Variants in GALNT1 observed in about 807,000 individuals in gnomAD.
GALNT1 encodes the protein GalNAc transferase 1.
Under a neutral mutation model 65.7 loss-of-function variants are expected in GALNT1, and 17 were observed. The ratio of observed to expected loss-of-function variants is 0.26; its 90% CI spans 0.18 to 0.39. GALNT1 has a LOEUF of 0.39. GALNT1 is among the 10% of genes least tolerant of loss of function. The pLI, the probability that GALNT1 is intolerant of heterozygous loss-of-function variation, is 1.00. For missense variants in GALNT1, 460 were observed against 672.8 expected, an observed-to-expected ratio of 0.68 and a Z score of 3.50; for synonymous variants, 210 against 219.7, an observed-to-expected ratio of 0.96 and a Z score of 0.39.
chr18:35,614,156 T>G lies in GALNT1; in HGVS notation c.-104+32294T>G, dbSNP rs148396040. 1.1e-3 allele frequency among the ~76,000 whole-genome samples: 163 copies of G among 152,296 alleles called. 1 individual carries two copies. The highest frequency in any genetic ancestry group is 0.01 in the Middle Eastern group (3 of 294). On this transcript the variant is annotated intron_variant, in intron 1 of 11. Transcript: ENST00000269195. ...TGTAATATAAGATAAATGCTTAATA[T>G]GTTTAGAGAGTATAAAATACGGCTA...
At chr18:35,598,844 C>G (rs1229559765) in intron 1 of GALNT1, among the ~76,000 whole-genome samples, 1 of 152,166 alleles carries the variant, frequency 6.6e-6, no homozygotes, top group Non-Finnish European at 1.5e-5. Flanking sequence ...TACATTCCCA[C>G]CAACAGCATA....
At chr18:35,676,996 C>T (rs185731389) in intron 3 of GALNT1, among the ~76,000 whole-genome samples, 20 of 152,236 alleles carry the variant, frequency 1.3e-4, no homozygotes, top group Admixed American at 2.6e-4. Flanking sequence ...TTAATTATGG[C>T]GGTGGCCCCA....
chr18:35,610,734 A>T (rs532926283), intron 1 of GALNT1, among the ~76,000 whole-genome samples: 193 of 152,318 alleles, frequency 1.3e-3, no homozygotes, highest in Non-Finnish European at 2.3e-3. Context: ...AAAATAATTT[A>T]TTTAAAATAA....
Position 35,681,594 on chromosome 18 carries a change from T to C in GALNT1, c.482-1797T>C, listed in dbSNP as rs7240947. Among the ~76,000 whole-genome samples, 1,359 of 152,236 alleles carry C rather than the reference T, an allele frequency of 8.9e-3. 22 individuals carry two copies. The highest frequency in any genetic ancestry group is 0.029 in the African/African-American group (1,217 of 41,542). ...TCTGAAGAAACGTTTTAAACTAATA[T>C]TTTTGGAAAAACTTGTTGGGAGACG... On this transcript the variant is annotated intron_variant, in intron 4 of 11. Coordinates refer to ENST00000269195, the MANE Select transcript of GALNT1 (RefSeq NM_020474.4).
At chr18:35,583,929 C>G (rs1319241115) in intron 1 of GALNT1, among the ~76,000 whole-genome samples, 2 of 152,186 alleles carry the variant, frequency 1.3e-5, no homozygotes, top group African/African-American at 4.8e-5. Flanking sequence ...GAATCTGAAT[C>G]ACACATTAGT....
intron 1 of GALNT1, among the ~76,000 whole-genome samples, chr18:35,632,908 AAAG>A (rs2047034930): frequency 2.0e-5 from 3 of 152,366 alleles, no homozygotes; most frequent in African/African-American, 7.2e-5. Flanking sequence ...ACACTTCTCA[AAAG>A]AAGACATTTA....
chr18:35,666,129 G>A lies in GALNT1; in HGVS notation c.314+2327G>A, dbSNP rs1038782150. Among the ~76,000 whole-genome samples, 41 of 152,118 alleles carry A rather than the reference G, an allele frequency of 2.7e-4. 1 individual carries two copies. The highest frequency in any genetic ancestry group is 9.9e-4 in the African/African-American group (41 of 41,426). ...TTTAGACAATTGATAGGAAGTTTGGGATTGAAATACATAGAAAACCATAGT... is the reference window on the plus strand; with the variant it reads ...TTTAGACAATTGATAGGAAGTTTGGAATTGAAATACATAGAAAACCATAGT... On this transcript the variant is annotated intron_variant, in intron 3 of 11. Coordinates refer to ENST00000269195, the MANE Select transcript of GALNT1 (RefSeq NM_020474.4).
At chr18:35,650,887 T>C (rs2047303392) in intron 1 of GALNT1, among the ~76,000 whole-genome samples, 1 of 152,100 alleles carries the variant, frequency 6.6e-6, no homozygotes, top group South Asian at 2.1e-4. Context: ...CTTAAGAAGA[T>C]GATGAGATTA....
chr18:35,581,722 G>A (rs1462821860), upstream of GALNT1: 2 of 143,416 alleles, frequency 1.4e-5, no homozygotes, highest in Non-Finnish European at 3.1e-5. Flanking sequence ...CCGCCCGCCC[G>A]CCGGGGGAGC....
At chr18:35,593,147 G>C (rs1433907299) in intron 1 of GALNT1, among the ~76,000 whole-genome samples, 1 of 152,142 alleles carries the variant, frequency 6.6e-6, no homozygotes, top group Admixed American at 6.5e-5. Context: ...GTGGCACACG[G>C]AGGTGTTTTC....
At chr18:35,610,911 T>A (rs374869817) in intron 1 of GALNT1, among the ~76,000 whole-genome samples, 1 of 152,186 alleles carries the variant, frequency 6.6e-6, no homozygotes. Flanking sequence ...CTATTGATAC[T>A]GCATATCATG....
intron 3 of GALNT1, among the ~76,000 whole-genome samples, chr18:35,673,951 C>T (rs1389846581): frequency 6.6e-6 from 1 of 152,112 alleles, no homozygotes; most frequent in Non-Finnish European, 1.5e-5. Flanking sequence ...CACACCTAGG[C>T]TATATGGTAT....
intron 1 of GALNT1, among the ~76,000 whole-genome samples, chr18:35,594,377 G>A (rs2046480004): frequency 6.6e-6 from 1 of 152,264 alleles, no homozygotes; most frequent in Non-Finnish European, 1.5e-5. Flanking sequence ...CTGTAGAGAG[G>A]CAAGGACTAT....
intron 1 of GALNT1, among the ~76,000 whole-genome samples, chr18:35,633,132 G>A (rs1259078263): frequency 6.6e-6 from 1 of 152,168 alleles, no homozygotes; most frequent in Non-Finnish European, 1.5e-5. Flanking sequence ...GGAAGACAGT[G>A]TGGCAATTCC....
intron 1 of GALNT1, among the ~76,000 whole-genome samples, chr18:35,632,872 A>C (rs1428997565): frequency 6.6e-6 from 1 of 152,136 alleles, no homozygotes; most frequent in Non-Finnish European, 1.5e-5. Context: ...CAAACCCATC[A>C]ACAAGTGGGC....
chr18:35,662,705 T>G (rs990393324), intron 2 of GALNT1, among the ~76,000 whole-genome samples: 1 of 152,242 alleles, frequency 6.6e-6, no homozygotes, highest in Non-Finnish European at 1.5e-5. Flanking sequence ...AAATATATTT[T>G]CATCCCATTT....
intron 1 of GALNT1, among the ~76,000 whole-genome samples, chr18:35,582,326 T>C (rs1213850101): frequency 6.6e-6 from 1 of 152,130 alleles, no homozygotes; most frequent in Non-Finnish European, 1.5e-5. Flanking sequence ...ATGTTTGTGG[T>C]TGGGAAGTAG....
At chr18:35,703,160 T>A (rs948019918) in intron 10 of GALNT1, among the ~76,000 whole-genome samples, 165 bp downstream of exon 10, 1 of 152,016 alleles carries the variant, frequency 6.6e-6, no homozygotes, top group African/African-American at 2.4e-5. Context: ...TTTTTTTTTT[T>A]AATGAAACAT....
intron 3 of GALNT1, among the ~76,000 whole-genome samples, chr18:35,672,475 T>G (rs1159324272): frequency 1.3e-5 from 2 of 152,186 alleles, no homozygotes; most frequent in African/African-American, 4.8e-5. Context: ...GGGATGGCCC[T>G]TGGAGTGCAG....
Sources: allele counts gnomAD v4.1 joint callset (sites outside exome capture counted in the v4.1 genomes callset), GRCh38; gene constraint gnomAD v4.1.1; transcripts MANE v1.5; gene names NCBI Gene and HGNC (gene_info 2026-07-23, HGNC 2026-07-21).